PTPRT: variants seen among roughly 807,000 people sequenced by gnomAD.
The protein encoded by PTPRT is receptor-type tyrosine-protein phosphatase T.
A neutral mutation model predicts 176.8 loss-of-function variants in PTPRT; 56 were observed. The ratio of observed to expected loss-of-function variants is 0.32; its 90% confidence interval spans 0.26 to 0.40. The LOEUF (loss-of-function observed/expected upper bound fraction) is 0.40, where lower values mean the gene tolerates loss of function less well. Ranked by LOEUF, PTPRT falls within the 10% of genes least tolerant of loss-of-function variation. The probability of loss-of-function intolerance (pLI) is 1.00; values close to 1 mark genes in which losing one functional copy is unlikely to be tolerated. For synonymous variants in PTPRT, 783 were observed against 739.0 expected, an observed-to-expected ratio of 1.06 and a Z score of -0.96; for missense variants, 1,540 against 1,908.2, an observed-to-expected ratio of 0.81 and a Z score of 3.60.
chr20:42,195,664 A>G (rs1991186466), intron 16 of PTPRT, among the ~76,000 whole-genome samples: 1 of 152,236 alleles, frequency 6.6e-6, no homozygotes, highest in South Asian at 2.1e-4. Flanking sequence ...AATTGAGTAT[A>G]ATAAGTCAAT....
chr20:43,126,945 C>T (rs1441156694), intron 1 of PTPRT, among the ~76,000 whole-genome samples: 2 of 152,164 alleles, frequency 1.3e-5, no homozygotes, highest in Non-Finnish European at 2.9e-5. Context: ...GAATCAACTG[C>T]ATTGGATTCT....
At position 42,588,375 on chromosome 20, in the gene PTPRT, T is replaced by C. The variant is rs192767456; in HGVS notation, c.1153+89491A>G. On this transcript the variant is annotated intron_variant, in intron 7 of 30. Transcript: ENST00000373187. ...AGGAGAATCACCTGAACCTGGGAGG[T>C]GAAGGTTGCAGTCAGCTGAGACTGT... Among the ~76,000 whole-genome samples the C allele has an allele frequency of 3.2e-4, 48 of 151,698 alleles. No individual in the cohort carries two copies. In the East Asian group the frequency reaches 9.2e-3, roughly 29 times the overall value.
At chr20:42,359,968 C>A (rs1600889295) in intron 9 of PTPRT, among the ~76,000 whole-genome samples, 2 of 152,246 alleles carry the variant, frequency 1.3e-5, no homozygotes, top group African/African-American at 4.8e-5. Context: ...GTTTGCCCAA[C>A]ATGGCTTTTG....
chr20:42,954,972 A>G (rs1387445146), intron 1 of PTPRT, among the ~76,000 whole-genome samples: 1 of 151,882 alleles, frequency 6.6e-6, no homozygotes, highest in African/African-American at 2.4e-5. Context: ...GGAAGGGTAG[A>G]AAGGGAAAAG....
chr20:42,143,868 C>A (rs1021505453), intron 17 of PTPRT, among the ~76,000 whole-genome samples: 2 of 152,218 alleles, frequency 1.3e-5, no homozygotes, highest in Non-Finnish European at 2.9e-5. Context: ...ATCCAATGGG[C>A]ACATCTCATG....
intron 6 of PTPRT, among the ~76,000 whole-genome samples, chr20:42,731,576 G>A (rs781278571): frequency 2.2e-4 from 34 of 152,210 alleles, no homozygotes; most frequent in Non-Finnish European, 4.1e-4. Flanking sequence ...CCAGCACTGT[G>A]TGAAGGTTGT....
chr20:42,165,224 C>A (rs1199107606), intron 16 of PTPRT, among the ~76,000 whole-genome samples: 1 of 152,142 alleles, frequency 6.6e-6, no homozygotes, highest in Non-Finnish European at 1.5e-5. Flanking sequence ...TCTCCCTCTA[C>A]CTTTAGTCAC....
chr20:42,772,374 G>A (rs2077075106), intron 4 of PTPRT, among the ~76,000 whole-genome samples: 1 of 152,288 alleles, frequency 6.6e-6, no homozygotes, highest in South Asian at 2.1e-4. Flanking sequence ...CTCTGTGATG[G>A]TGCTTTCTGA....
intron 11 of PTPRT, among the ~76,000 whole-genome samples, chr20:42,336,165 T>A (rs188891329): frequency 3.9e-5 from 6 of 152,344 alleles, no homozygotes. Context: ...CATTTGGCTC[T>A]GAAGTGACCT....
intron 13 of PTPRT, among the ~76,000 whole-genome samples, chr20:42,259,404 G>A (rs2056706781): frequency 6.6e-6 from 1 of 152,154 alleles, no homozygotes. Context: ...AGTCATTATT[G>A]ACACACCCCT....
chr20:42,754,006 G>A (rs1002960991), intron 6 of PTPRT, among the ~76,000 whole-genome samples: 3 of 152,132 alleles, frequency 2.0e-5, no homozygotes, highest in Admixed American at 6.5e-5. Flanking sequence ...AGACCATGAG[G>A]AGCGGGAATG....
At chr20:42,987,867 G>A (rs1221738940) in intron 1 of PTPRT, among the ~76,000 whole-genome samples, 2 of 152,190 alleles carry the variant, frequency 1.3e-5, no homozygotes, top group Non-Finnish European at 2.9e-5. Flanking sequence ...AAAGCTTGAC[G>A]GGAGCTGGGG....
Position 42,235,849 on chromosome 20 carries a change from TA to T in PTPRT, c.2342+379del, listed in dbSNP as rs1202175955. ...CCCCCAGGGCTACCCATTCTCCAAG[TA>T]AAAACACATGGATTTAGAAGTTGCT... On this transcript the variant is annotated intron_variant, in intron 15 of 30. Transcript: ENST00000373187. 2.6e-5 allele frequency among the ~76,000 whole-genome samples: 4 copies of T among 152,258 alleles called. No individual in the cohort carries two copies. The East Asian group carries it at 5.8e-4, about 22-fold the overall frequency.
At chr20:42,184,576 C>CTTCTTCTTCTTCT (rs1990675554) in intron 16 of PTPRT, among the ~76,000 whole-genome samples, 2 of 137,030 alleles carry the variant, frequency 1.5e-5, no homozygotes, top group Admixed American at 1.5e-4. Flanking sequence ...TCTTCTTCTT[C>CTTCTTCTTCTTCT]TTCTTCTTCT....
At chr20:43,162,950 C>A (rs958012000) in intron 1 of PTPRT, among the ~76,000 whole-genome samples, 1 of 152,210 alleles carries the variant, frequency 6.6e-6, no homozygotes, top group East Asian at 1.9e-4. Context: ...ATCTGTCTCC[C>A]CAAACCAGAC....
At chr20:42,226,453 A>G (rs1473407267) in intron 15 of PTPRT, among the ~76,000 whole-genome samples, 1 of 152,228 alleles carries the variant, frequency 6.6e-6, no homozygotes, top group African/African-American at 2.4e-5. Flanking sequence ...ACAACTAGGT[A>G]ATAAGTGGGA....
At chr20:42,749,345 G>C (rs951014935) in intron 6 of PTPRT, among the ~76,000 whole-genome samples, 12 of 152,300 alleles carry the variant, frequency 7.9e-5, no homozygotes, top group African/African-American at 2.6e-4. Context: ...AGCTTGCCAA[G>C]CCACAGGACC....
intron 1 of PTPRT, among the ~76,000 whole-genome samples, chr20:42,960,372 G>A (rs192964456): frequency 7.2e-4 from 110 of 152,206 alleles, no homozygotes; most frequent in Non-Finnish European, 9.1e-4. Context: ...GGGTGGAAGG[G>A]GAGCTGGAGG....
chr20:42,601,053 G>A (rs560365009), intron 7 of PTPRT, among the ~76,000 whole-genome samples: 12 of 152,096 alleles, frequency 7.9e-5, no homozygotes, highest in Admixed American at 5.9e-4. Flanking sequence ...CTCTGAGTTC[G>A]TAGGTTGCTG....
Sources: gnomAD v4.1 joint callset for allele counts (sites outside exome capture counted in the v4.1 genomes callset) on GRCh38, gnomAD v4.1.1 for gene constraint, MANE v1.5 for transcripts, NCBI Gene and HGNC (gene_info 2026-07-23, HGNC 2026-07-21) for gene names.